The following KCNK12 variants were observed in gnomAD, a reference collection of about 807,000 sequenced individuals.
The protein encoded by KCNK12 is potassium channel subfamily K member 12.
Under a neutral mutation model 25.3 loss-of-function variants are expected in KCNK12, and 6 were observed. The ratio of observed to expected loss-of-function variants is 0.24; its 90% CI spans 0.13 to 0.47. KCNK12 has a LOEUF of 0.47. Among genes scored for constraint, KCNK12 ranks in the 20% least tolerant of loss-of-function variants. The pLI, the probability that KCNK12 is intolerant of heterozygous loss-of-function variation, is 0.99. For synonymous variants in KCNK12, 331 were observed against 311.1 expected (o/e 1.06, Z -0.67); for missense variants, 444 against 661.7 (o/e 0.67, Z 3.61).
Position 47,569,283 on chromosome 2 carries a change from G to A in KCNK12, c.391+658C>T, listed in dbSNP as rs578150039. On this transcript the variant is annotated intron_variant, in intron 1 of 1. Coordinates refer to ENST00000327876, the MANE Select transcript of KCNK12 (RefSeq NM_022055.2). This position sits in a 1 kb window ranked among gnomAD's most constrained non-coding sequence, Gnocchi z 4.1. ...GAACAAAAAAAGGGTCAAGAAATTG[G>A]AGAAGGGGCTGGGAGCTGGGGGAGA... Among the ~76,000 whole-genome samples the A allele has an allele frequency of 1.3e-5, 2 of 152,170 alleles. No homozygotes were observed. The highest frequency in any genetic ancestry group is 2.9e-5 in the Non-Finnish European group (2 of 68,036).
chr2:47,569,931 C>T lies in KCNK12; in HGVS notation c.391+10G>A. 1 of 1,371,752 alleles carries T rather than the reference C, an allele frequency of 7.3e-7. No homozygotes were observed. Among genetic ancestry groups the T allele is most frequent in the Non-Finnish European group, 9.5e-7 (1 of 1,056,896 alleles). 85.0% of individuals were successfully genotyped at this position (1,371,752 alleles called of 1,614,324 possible). ...AGAGAGGAAAGATGCGCGGGGGACG[C>T]GCCGCTCACCTATGGTTGACACCAC... is the stretch of plus-strand genomic sequence containing the variant. On this transcript the variant is annotated intron_variant, in intron 1 of 1. Coordinates refer to ENST00000327876, the MANE Select transcript of KCNK12 (RefSeq NM_022055.2). The surrounding 1 kb of genome is among the most constrained non-coding windows in gnomAD (Gnocchi z 4.1).
Position 47,528,791 on chromosome 2 carries a change from C to T in KCNK12, c.392-6983G>A, listed in dbSNP as rs1239391319. ...TGGTGCCGCCTTCGCAAATGGGGCC[C>T]TGGTGATGGGGCCTTCGGAGTTCAG... On this transcript the variant is annotated intron_variant, in intron 1 of 1. Coordinates refer to ENST00000327876, the MANE Select transcript of KCNK12 (RefSeq NM_022055.2). This position sits in a 1 kb window ranked among gnomAD's most constrained non-coding sequence, Gnocchi z 4.5. Among the ~76,000 whole-genome samples the T allele has an allele frequency of 6.6e-6, 1 of 152,228 alleles. No homozygotes were observed. The highest frequency in any genetic ancestry group is 6.5e-5 in the Admixed American group (1 of 15,284).
chr2:47,521,597 C>G lies in KCNK12; in HGVS notation c.603G>C (p.Ser201=). ...PATFRRGSAL[S]EADSLAGWKP... ...TCCAGCCCGCCAGGCTGTCGGCCTCCGAGAGCGCGGAGCCGCGGCGGAAGG... is the reference window on the plus strand; with the variant it reads ...TCCAGCCCGCCAGGCTGTCGGCCTCGGAGAGCGCGGAGCCGCGGCGGAAGG... The change falls in exon 2 of 2, where the codon TCG becomes TCC. Residue 201 remains serine, a synonymous_variant. Coordinates refer to ENST00000327876, the MANE Select transcript of KCNK12 (RefSeq NM_022055.2). 6.4e-7 allele frequency: 1 copy of G among 1,563,666 alleles called. No homozygotes were observed. The highest frequency in any genetic ancestry group is 8.7e-7 in the Non-Finnish European group (1 of 1,154,052).
chr2:47,525,351 A>G lies in KCNK12; in HGVS notation c.392-3543T>C, dbSNP rs1276811749. Among the ~76,000 whole-genome samples, 2 of 152,126 alleles carry G rather than the reference A, an allele frequency of 1.3e-5. No homozygotes were observed. Among genetic ancestry groups the G allele is most frequent in the Admixed American group, 6.5e-5 (1 of 15,274 alleles). On this transcript the variant is annotated intron_variant, in intron 1 of 1. Coordinates refer to ENST00000327876, the MANE Select transcript of KCNK12 (RefSeq NM_022055.2). The surrounding 1 kb of genome is among the most constrained non-coding windows in gnomAD (Gnocchi z 4.1). ...GGTTGGAGCAGGGAAGGTCAAGAGG[A>G]CTTATGGAGTGTCAGCAAGAGCCCG... is the stretch of plus-strand genomic sequence containing the variant.
In KCNK12 at chr2:47,514,449, A is replaced by G. The variant is rs1052871535; in HGVS notation, c.*6458T>C. On this transcript the variant is annotated 3_prime_UTR_variant, in exon 2 of 2. Transcript: ENST00000327876. The surrounding 1 kb of genome is among the most constrained non-coding windows in gnomAD (Gnocchi z 5.0). ...CACAGGGGATGCCTGACCCCAAACT[A>G]GACGAGTTACTTGACCTCTCTGACC... 6.6e-6 allele frequency among the ~76,000 whole-genome samples: 1 copy of G among 152,208 alleles called. No homozygotes were observed. The highest frequency in any genetic ancestry group is 2.4e-5 in the African/African-American group (1 of 41,458).
rs1669635707 is a variant in KCNK12, at chr2:47,560,251, C to G, written c.391+9690G>C. Among the ~76,000 whole-genome samples, 1 of 152,228 alleles carries G rather than the reference C, an allele frequency of 6.6e-6. No individual in the cohort carries two copies. The highest frequency in any genetic ancestry group is 2.4e-5 in the African/African-American group (1 of 41,462). ...GAGCTCGGTCCTCTTCAACAAGTTC[C>G]CAGAGTTCTGGTGAGCTCTGTGGGA... On this transcript the variant is annotated intron_variant, in intron 1 of 1. Coordinates refer to ENST00000327876, the MANE Select transcript of KCNK12 (RefSeq NM_022055.2). This position sits in a 1 kb window ranked among gnomAD's most constrained non-coding sequence, Gnocchi z 4.7.
rs902363977 is a variant in KCNK12, at chr2:47,511,526, C to T, written c.*9381G>A. ...GGGCTTCCATATTACAGAGAGATGC[C>T]CACAGTGCATGACGTTACCCGCACA... is the stretch of plus-strand genomic sequence containing the variant. On this transcript the variant is annotated 3_prime_UTR_variant, in exon 2 of 2. Coordinates refer to ENST00000327876, the MANE Select transcript of KCNK12 (RefSeq NM_022055.2). The surrounding 1 kb of genome is among the most constrained non-coding windows in gnomAD (Gnocchi z 4.3). Among the ~76,000 whole-genome samples the T allele has an allele frequency of 6.6e-6, 1 of 152,144 alleles. No individual in the cohort carries two copies. The highest frequency in any genetic ancestry group is 2.4e-5 in the African/African-American group (1 of 41,428).
chr2:47,533,101 C>T lies in KCNK12; in HGVS notation c.392-11293G>A, dbSNP rs559794803. On this transcript the variant is annotated intron_variant, in intron 1 of 1. Coordinates refer to ENST00000327876, the MANE Select transcript of KCNK12 (RefSeq NM_022055.2). This position sits in a 1 kb window ranked among gnomAD's most constrained non-coding sequence, Gnocchi z 4.7. ...TCTTGGCTCACTGCAACCTCCACCTCCCAGGTTCAAGCCATTCTCCTGCCA... is the reference window on the plus strand; with the variant it reads ...TCTTGGCTCACTGCAACCTCCACCTTCCAGGTTCAAGCCATTCTCCTGCCA... Among the ~76,000 whole-genome samples the T allele has an allele frequency of 7.9e-5, 12 of 152,280 alleles. No homozygotes were observed. In the South Asian group the frequency reaches 2.5e-3, roughly 32 times the overall value.
intron 1 of KCNK12, among the ~76,000 whole-genome samples, chr2:47,536,545 C>T (rs1417070501): frequency 6.6e-6 from 1 of 152,194 alleles, no homozygotes; most frequent in Non-Finnish European, 1.5e-5. Context: ...CTGCTGTGTG[C>T]CAGACATGAG....
rs1416999599 is a variant in KCNK12, at chr2:47,550,790, A to G, written c.391+19151T>C. On this transcript the variant is annotated intron_variant, in intron 1 of 1. Coordinates refer to ENST00000327876, the MANE Select transcript of KCNK12 (RefSeq NM_022055.2). ...AAACCCCACACTTCAGTAAATATGC[A>G]TTTCTTTTCTGAAAGATATAATCAC... 2.6e-5 allele frequency among the ~76,000 whole-genome samples: 4 copies of G among 152,232 alleles called. No individual in the cohort carries two copies. In the South Asian group the frequency reaches 6.2e-4, roughly 24 times the overall value.
chr2:47,537,624 C>T (rs948240712), intron 1 of KCNK12, among the ~76,000 whole-genome samples: 26 of 152,210 alleles, frequency 1.7e-4, no homozygotes, highest in Non-Finnish European at 3.5e-4. Context: ...CCACCGCGCC[C>T]AGCTGTGATT....
chr2:47,550,252 C>T lies in KCNK12; in HGVS notation c.391+19689G>A, dbSNP rs181560027. 1.8e-3 allele frequency among the ~76,000 whole-genome samples: 267 copies of T among 152,048 alleles called. 2 individuals carry two copies. The highest frequency in any genetic ancestry group is 6.3e-3 in the African/African-American group (260 of 41,448). ...ACGCAGATCCAAGGAGCTCTATAAA[C>T]ACAAAGGAAACTACACAAAGGCACA... On this transcript the variant is annotated intron_variant, in intron 1 of 1. Coordinates refer to ENST00000327876, the MANE Select transcript of KCNK12 (RefSeq NM_022055.2).
chr2:47,530,714 T>C lies in KCNK12; in HGVS notation c.392-8906A>G, dbSNP rs568827563. ...GTGCATCTTACAGTCAATGGCCTGA[T>C]AGTTTATTTGGCAGTATTTTAAATT... is the stretch of plus-strand genomic sequence containing the variant. On this transcript the variant is annotated intron_variant, in intron 1 of 1. Transcript: ENST00000327876. Among the ~76,000 whole-genome samples the C allele has an allele frequency of 5.3e-5, 8 of 152,324 alleles. No homozygotes were observed. The South Asian group carries it at 1.5e-3, about 28-fold the overall frequency.
Position 47,556,440 on chromosome 2 carries a change from A to G in KCNK12, c.391+13501T>C, listed in dbSNP as rs1669552349. On this transcript the variant is annotated intron_variant, in intron 1 of 1. Transcript: ENST00000327876. The surrounding 1 kb of genome is among the most constrained non-coding windows in gnomAD (Gnocchi z 4.8). ...AGAGAGTGAGGGGAATGGGAGGCTA[A>G]AGATGGAAGAGGGAGGATAAGTGGT... Among the ~76,000 whole-genome samples the G allele has an allele frequency of 6.6e-6, 1 of 152,164 alleles. No individual in the cohort carries two copies. Among genetic ancestry groups the G allele is most frequent in the Non-Finnish European group, 1.5e-5 (1 of 68,024 alleles).
rs1307587985 is a variant in KCNK12 at position 47,534,806 on chromosome 2, C to G, written c.392-12998G>C. On this transcript the variant is annotated intron_variant, in intron 1 of 1. Transcript: ENST00000327876. The stretch of plus-strand genomic sequence containing the variant: ...AGCCAGGCGTGAGGTGACAGACCAG[C>G]GGGCAGCTCAGAGCAGCAAGACAAT... The G allele has an allele frequency of 2.2e-5, 4 of 180,426 alleles. No homozygotes were observed. In the Admixed American group the frequency reaches 2.5e-4, roughly 11 times the overall value. The allele number at this position is 180,426 out of a possible 1,614,324, so 11.2% of individuals were successfully genotyped here. A position where few individuals can be genotyped will look rare whatever the true frequency, so the allele number is the denominator to read the frequency against.
intron 1 of KCNK12, among the ~76,000 whole-genome samples, chr2:47,523,850 T>C (rs76563706): frequency 0.066 from 10,050 of 152,338 alleles, 490 homozygotes; most frequent in Middle Eastern, 0.11. Flanking sequence ...GCAGAAGGGC[T>C]ACCTGTGCTC....
rs564120188 is a variant in KCNK12 at position 47,547,195 on chromosome 2, T to C, written c.391+22746A>G. Among the ~76,000 whole-genome samples, 2 of 152,336 alleles carry C rather than the reference T, an allele frequency of 1.3e-5. No homozygotes were observed. Among genetic ancestry groups the C allele is most frequent in the South Asian group, 4.1e-4 (2 of 4,824 alleles). On this transcript the variant is annotated intron_variant, in intron 1 of 1. Coordinates refer to ENST00000327876, the MANE Select transcript of KCNK12 (RefSeq NM_022055.2). The surrounding 1 kb of genome is among the most constrained non-coding windows in gnomAD (Gnocchi z 5.0). ...TAGCCTCCTTCATCTTCAAGGGCAC[T>C]GCGGCTCAATCTTCAGATCTCTTCT...
rs892056156 is a variant in KCNK12, at chr2:47,515,894, G to A, written c.*5013C>T. Among the ~76,000 whole-genome samples the A allele has an allele frequency of 6.6e-6, 1 of 152,214 alleles. No individual in the cohort carries two copies. The highest frequency in any genetic ancestry group is 1.5e-5 in the Non-Finnish European group (1 of 68,040). On this transcript the variant is annotated 3_prime_UTR_variant, in exon 2 of 2. Transcript: ENST00000327876. Reference sequence around the variant, plus strand: ...GCTGACACTGTGGGAAGGACCCCATGCAGAAGCAATAGGGCAGCCTGGTCC... The same window carrying A: ...GCTGACACTGTGGGAAGGACCCCATACAGAAGCAATAGGGCAGCCTGGTCC...
intron 1 of KCNK12, among the ~76,000 whole-genome samples, chr2:47,522,328 T>C (rs1174789795): frequency 6.6e-6 from 1 of 152,246 alleles, no homozygotes; most frequent in Admixed American, 6.5e-5. Context: ...CAAAGATATC[T>C]AGCTTCTTAT....
Sources: allele counts gnomAD v4.1 joint callset (sites outside exome capture counted in the v4.1 genomes callset), GRCh38; gene constraint gnomAD v4.1.1; non-coding constraint Gnocchi (gnomAD v3.1); transcripts MANE v1.5; gene names NCBI Gene and HGNC (gene_info 2026-07-23, HGNC 2026-07-21).